DPP8: variants seen among roughly 807,000 people sequenced by gnomAD.
DPP8 encodes dipeptidyl peptidase 8, also known as DPP VIII.
A neutral mutation model predicts 107.5 loss-of-function variants in DPP8; 31 were observed. The observed-to-expected ratio is 0.29, with a 90% CI of 0.22 to 0.39. The LOEUF (loss-of-function observed/expected upper bound fraction) is 0.39, where lower values mean the gene tolerates loss of function less well. DPP8 is among the 10% of genes least tolerant of loss of function. DPP8 has a pLI of 1.00. For missense variants in DPP8, 842 were observed against 1,076.1 expected (o/e 0.78, Z 3.04); for synonymous variants, 381 against 356.6 (o/e 1.07, Z -0.77).
At chr15:65,487,121 TA>T (rs2067517889) in intron 7 of DPP8, among the ~76,000 whole-genome samples, 1 of 151,572 alleles carries the variant, frequency 6.6e-6, no homozygotes, top group African/African-American at 2.4e-5. Context: ...AAATATCACT[TA>T]AAAATCTGTA....
intron 16 of DPP8, 62 bp downstream of exon 16, chr15:65,456,163 A>G: frequency 1.9e-6 from 3 of 1,564,668 alleles, no homozygotes; most frequent in Non-Finnish European, 2.6e-6. Flanking sequence ...AGGGTTTCAC[A>G]CCAAACAATG....
chr15:65,444,645 T>G lies in DPP8; in HGVS notation c.*2239A>C, dbSNP rs537490140. 2 of 152,298 alleles carry G rather than the reference T, an allele frequency of 1.3e-5. No individual in the cohort carries two copies. Among genetic ancestry groups the G allele is most frequent in the African/African-American group, 4.8e-5 (2 of 41,574 alleles). 9.4% of individuals were successfully genotyped at this position (152,298 alleles called of 1,614,324 possible). On this transcript the variant is annotated 3_prime_UTR_variant, in exon 20 of 20. Coordinates refer to ENST00000300141, the MANE Select transcript of DPP8 (RefSeq NM_130434.5). ...GCATTTAAGTGACTGGGAGTGATAA[T>G]AGAAGCATTCTTTGTGATAGGAGGA...
intron 2 of DPP8, among the ~76,000 whole-genome samples, chr15:65,509,181 G>A (rs2070444029): frequency 6.6e-6 from 1 of 152,066 alleles, no homozygotes; most frequent in Non-Finnish European, 1.5e-5. Flanking sequence ...AATCTACTTT[G>A]TAGATTCCCA....
intron 11 of DPP8, 86 bp downstream of exon 11, chr15:65,478,794 A>G: frequency 1.1e-6 from 1 of 908,878 alleles, no homozygotes; most frequent in Non-Finnish European, 1.7e-6. Flanking sequence ...GATGCTTATA[A>G]AGCATGCAAA....
chr15:65,486,112 C>CA lies in DPP8; in HGVS notation c.956-953dup, dbSNP rs571508497. Among the ~76,000 whole-genome samples, 376 of 117,852 alleles carry CA rather than the reference C, an allele frequency of 3.2e-3. 1 individual carries two copies. The highest frequency in any genetic ancestry group is 0.012 in the African/African-American group (363 of 31,382). The allele number at this position is 117,852 out of a possible 152,430, so 77.3% of individuals were successfully genotyped here. On this transcript the variant is annotated intron_variant, in intron 7 of 19. Coordinates refer to ENST00000300141, the MANE Select transcript of DPP8 (RefSeq NM_130434.5). Reference sequence around the variant, plus strand: ...CTGTCTCAAAAAAAAAAAAACAACACAAAAAAAACGGCCGGGCGCAGTGGC... The same window carrying CA: ...CTGTCTCAAAAAAAAAAAAACAACACAAAAAAAAACGGCCGGGCGCAGTGGC...
chr15:65,461,732 T>C (rs2064943742), intron 15 of DPP8, among the ~76,000 whole-genome samples: 1 of 151,910 alleles, frequency 6.6e-6, no homozygotes, highest in African/African-American at 2.4e-5. Flanking sequence ...GCCTCCCAAG[T>C]AGCTGGGACT....
chr15:65,463,248 T>C (rs2065063306), intron 15 of DPP8, among the ~76,000 whole-genome samples: 1 of 152,128 alleles, frequency 6.6e-6, no homozygotes, highest in South Asian at 2.1e-4. Flanking sequence ...ATTAAGGAAC[T>C]GCCTTAGTGG....
At chr15:65,448,865 A>AATATATAT (rs58549410) in intron 19 of DPP8, among the ~76,000 whole-genome samples, 30 of 53,302 alleles carry the variant, frequency 5.6e-4, no homozygotes, top group Non-Finnish European at 9.5e-4. Context: ...ATATATCTAA[A>AATATATAT]ATATATATAT....
Position 65,511,819 on chromosome 15 carries a change from C to A in DPP8, c.259+476G>T, listed in dbSNP as rs957263082. ...AAATATTTTGGAGGAGGGGAAGGAA[C>A]CTACCTTTAAAAATTTAACAAACAA... On this transcript the variant is annotated intron_variant, in intron 2 of 19. Transcript: ENST00000300141. 6.2e-5 allele frequency: 15 copies of A among 241,764 alleles called. No individual in the cohort carries two copies. The South Asian group carries it at 7.0e-4, about 11-fold the overall frequency. 15.0% of individuals were successfully genotyped at this position (241,764 alleles called of 1,614,324 possible). A position where few individuals can be genotyped will look rare whatever the true frequency, so the allele number is the denominator to read the frequency against.
At chr15:65,515,964 C>G (rs1464053940) in intron 1 of DPP8, 4 of 473,594 alleles carry the variant, frequency 8.4e-6, no homozygotes, top group Non-Finnish European at 1.5e-5. Flanking sequence ...TATCAGAATT[C>G]AAGAATTATT....
chr15:65,480,307 A>T lies in DPP8; in HGVS notation c.1211T>A (p.Met404Lys). 6.2e-7 allele frequency: 1 copy of T among 1,613,914 alleles called. No homozygotes were observed. The highest frequency in any genetic ancestry group is 8.5e-7 in the Non-Finnish European group (1 of 1,179,938). Residue 404 changes from methionine to lysine, a missense_variant, in exon 10 of 20, where the codon ATG becomes AAG. Around this residue, in one of 2 missense-constraint regions of DPP8, gnomAD observed 663 missense variants for 758.0 expected, o/e 0.87. Transcript: ENST00000300141. Reference sequence around the variant, plus strand: ...TGACTCAATGAGTCTCTGCCTTTCCATAACATCATCTTCTACTGGGATAAA... The same window carrying T: ...TGACTCAATGAGTCTCTGCCTTTCCTTAACATCATCTTCTACTGGGATAAA... Reference protein sequence around the residue: ...ELFIPVEDDVMERQRLIESVP... With the variant: ...ELFIPVEDDVKERQRLIESVP...
rs1176496961 is a variant in DPP8 at position 65,497,988 on chromosome 15, G to A, written c.591C>T (p.Asn197=). 6.2e-7 allele frequency: 1 copy of A among 1,610,348 alleles called. No individual in the cohort carries two copies. The highest frequency in any genetic ancestry group is 8.5e-7 in the Non-Finnish European group (1 of 1,177,694). ...GGCATAATTTTGGATCCATCCGTAT[G>A]TTGGGACAACTAGTTTCCACTAGAT... ...RPNLVETSCP[N]IRMDPKLCPA... The change falls in exon 5 of 20, where the codon AAC becomes AAT. Residue 197 remains asparagine (N), a synonymous_variant. Transcript: ENST00000300141.
chr15:65,446,616 CTTTTT>C lies in DPP8; in HGVS notation c.*263_*267del. The C allele has an allele frequency of 8.4e-6, 1 of 118,784 alleles. No individual in the cohort carries two copies. The highest frequency in any genetic ancestry group is 1.8e-5 in the Non-Finnish European group (1 of 56,252). 7.4% of individuals were successfully genotyped at this position (118,784 alleles called of 1,614,324 possible). ...TAGTATGAATACATGGTGCTAATGTCTTTTTTTTTTTTTTTTTTTTAGTAATTCTT... is the reference window on the plus strand; with the variant it reads ...TAGTATGAATACATGGTGCTAATGTCTTTTTTTTTTTTTTTAGTAATTCTT... On this transcript the variant is annotated 3_prime_UTR_variant, in exon 20 of 20. Coordinates refer to ENST00000300141, the MANE Select transcript of DPP8 (RefSeq NM_130434.5).
intron 12 of DPP8, among the ~76,000 whole-genome samples, chr15:65,472,794 C>G (rs2066010360): frequency 6.6e-6 from 1 of 152,128 alleles, no homozygotes; most frequent in Admixed American, 6.6e-5. Flanking sequence ...AACCTCAGCA[C>G]TTCAGGAGGC....
chr15:65,466,966 A>G, intron 13 of DPP8, 105 bp downstream of exon 13: 1 of 1,471,614 alleles, frequency 6.8e-7, no homozygotes, highest in Non-Finnish European at 9.2e-7. Flanking sequence ...GCTTTTCCTT[A>G]GAGAATTAGG....
At chr15:65,506,044 C>T (rs1051193170) in intron 3 of DPP8, among the ~76,000 whole-genome samples, 13 of 150,088 alleles carry the variant, frequency 8.7e-5, no homozygotes, top group Admixed American at 6.0e-4. Flanking sequence ...AAGAAATACT[C>T]GGCCAAGGCC....
At chr15:65,493,371 C>T (rs996915487) in intron 5 of DPP8, among the ~76,000 whole-genome samples, 1 of 152,090 alleles carries the variant, frequency 6.6e-6, no homozygotes, top group Non-Finnish European at 1.5e-5. Flanking sequence ...GGTGAGCCAC[C>T]GTGCCCGGCC....
intron 8 of DPP8, among the ~76,000 whole-genome samples, chr15:65,483,174 G>T (rs142446479): frequency 1.3e-5 from 2 of 152,098 alleles, no homozygotes; most frequent in Non-Finnish European, 2.9e-5. Context: ...ACAAGAAGAA[G>T]TATTGGTGAT....
intron 9 of DPP8, among the ~76,000 whole-genome samples, chr15:65,481,205 A>G (rs2066897604): frequency 6.6e-6 from 1 of 152,222 alleles, no homozygotes; most frequent in African/African-American, 2.4e-5. Context: ...ATAAAGCTCT[A>G]TAATTATACA....
Sources: gnomAD v4.1 joint callset for allele counts (sites outside exome capture counted in the v4.1 genomes callset) on GRCh38, gnomAD v4.1.1 for gene constraint, gnomAD v4.1.1 regional missense constraint, MANE v1.5 for transcripts, NCBI Gene and HGNC (gene_info 2026-07-23, HGNC 2026-07-21) for gene names.